LITAF: variants seen among roughly 807,000 people sequenced by gnomAD.
LITAF encodes lipopolysaccharide-induced tumor necrosis factor-alpha factor.
In LITAF, 9 loss-of-function variants were observed where a neutral mutation model predicts 14.5. The ratio of observed to expected loss-of-function variants is 0.62; its 90% CI spans 0.37 to 1.08. The LOEUF (loss-of-function observed/expected upper bound fraction) is 1.08, where lower values mean the gene tolerates loss of function less well. LITAF is among the 50% of genes least tolerant of loss of function. LITAF has a pLI of 0.01. For missense variants in LITAF, 206 were observed against 213.4 expected (o/e 0.97, Z 0.22); for synonymous variants, 98 against 88.2 (o/e 1.11, Z -0.62).
At chr16:11,582,779 A>G (rs770564231) in intron 1 of LITAF, among the ~76,000 whole-genome samples, 5 of 152,182 alleles carry the variant, frequency 3.3e-5, no homozygotes, top group African/African-American at 4.8e-5. Flanking sequence ...CTGGAGAAAA[A>G]CGTTATTTCC....
chr16:11,569,816 T>G (rs1180780073), intron 1 of LITAF, among the ~76,000 whole-genome samples: 1 of 152,144 alleles, frequency 6.6e-6, no homozygotes. Context: ...GTGGATCACT[T>G]GAGGTCAGAA....
Position 11,619,130 on chromosome 16 carries a change from G to T in LITAF, c.85+14403C>A, listed in dbSNP as rs141490646. 5.3e-5 allele frequency among the ~76,000 whole-genome samples: 8 copies of T among 152,016 alleles called. No individual in the cohort carries two copies. In the South Asian group the frequency reaches 1.0e-3, roughly 20 times the overall value. ...GTTCGAGACCAGCCTGGCCAACATGGCAAAACCCCTTCTCTACTAAAAATA... is the reference window on the plus strand; with the variant it reads ...GTTCGAGACCAGCCTGGCCAACATGTCAAAACCCCTTCTCTACTAAAAATA... On this transcript the variant is annotated intron_variant, in intron 3 of 3. Transcript: ENST00000574848.
chr16:11,639,547 T>TC (rs2065156144), upstream of LITAF, among the ~76,000 whole-genome samples: 4 of 152,158 alleles, frequency 2.6e-5, no homozygotes, highest in African/African-American at 9.6e-5. Context: ...ACATAGGTAT[T>TC]CCCCGTATAG....
intron 1 of LITAF, among the ~76,000 whole-genome samples, chr16:11,594,364 G>C (rs1458642849): frequency 6.6e-6 from 1 of 152,022 alleles, no homozygotes; most frequent in Non-Finnish European, 1.5e-5. Context: ...AGGCCAGGCA[G>C]GCTATGGTTT....
At chr16:11,588,843 C>A (rs2064831625), upstream of LITAF, among the ~76,000 whole-genome samples, 1 of 151,060 alleles carries the variant, frequency 6.6e-6, no homozygotes, top group East Asian at 1.9e-4. Context: ...TCCCTCCCTC[C>A]CAACCTTTTC....
intron 3 of LITAF, among the ~76,000 whole-genome samples, chr16:11,609,459 CCG>C (rs1567262502): frequency 1.3e-5 from 2 of 152,160 alleles, no homozygotes; most frequent in Non-Finnish European, 2.9e-5. Context: ...AGTGATCCAC[CCG>C]TCTCGGCCTC....
chr16:11,623,964 T>C (rs919012872), intron 3 of LITAF, among the ~76,000 whole-genome samples: 50 of 151,938 alleles, frequency 3.3e-4, no homozygotes, highest in African/African-American at 1.2e-3. Flanking sequence ...CAAAACTCCA[T>C]CTCAAAAAAA....
At chr16:11,608,698 C>G (rs567752148) in intron 3 of LITAF, among the ~76,000 whole-genome samples, 47 of 152,342 alleles carry the variant, frequency 3.1e-4, no homozygotes, top group African/African-American at 1.1e-3. Flanking sequence ...CGCAGTGGCT[C>G]ATGCCTATAA....
intron 1 of LITAF, among the ~76,000 whole-genome samples, chr16:11,595,667 T>C (rs1489989034): frequency 6.6e-6 from 1 of 152,154 alleles, no homozygotes; most frequent in East Asian, 1.9e-4. Context: ...AGGCGGAGCT[T>C]GCAGTGAGCT....
intron 1 of LITAF, among the ~76,000 whole-genome samples, chr16:11,576,324 C>A (rs1460027696): frequency 6.6e-6 from 1 of 151,926 alleles, no homozygotes; most frequent in East Asian, 1.9e-4. Context: ...CAAAAATTAG[C>A]TGGGCAAGGT....
intron 3 of LITAF, among the ~76,000 whole-genome samples, chr16:11,611,105 T>C (rs886639141): frequency 1.3e-5 from 2 of 152,040 alleles, no homozygotes; most frequent in Non-Finnish European, 2.9e-5. Context: ...TCTCAGCACT[T>C]TGGGAGGCTG....
At chr16:11,635,721 C>T (rs1416009196) in intron 2 of LITAF, 2 of 152,248 alleles carry the variant, frequency 1.3e-5, no homozygotes, top group African/African-American at 4.8e-5. Context: ...GCCAGTGTCC[C>T]CACAGGGACC....
chr16:11,585,603 C>T (rs2064794380), intron 1 of LITAF, among the ~76,000 whole-genome samples: 1 of 152,130 alleles, frequency 6.6e-6, no homozygotes, highest in Non-Finnish European at 1.5e-5. Flanking sequence ...CTGTAGGCAT[C>T]TGGGTTAGTC....
chr16:11,604,847 G>A (rs2064946741), intron 3 of LITAF, among the ~76,000 whole-genome samples: 1 of 151,518 alleles, frequency 6.6e-6, no homozygotes, highest in East Asian at 1.9e-4. Context: ...ACATTTCCAG[G>A]CCCCTGAAAC....
rs768810542 is a variant in LITAF, at chr16:11,586,419, T to C, written c.-6+467A>G. On this transcript the variant is annotated intron_variant, in intron 1 of 3. Transcript: ENST00000622633. This position sits in a 1 kb window ranked among gnomAD's most constrained non-coding sequence, Gnocchi z 6.5. ...AAGTCAAATGTTTGGCAAATAGCAT[T>C]TGGGAATTCGTTGGGGTTTTTTTGT... 2 of 152,036 alleles carry C rather than the reference T, an allele frequency of 1.3e-5. No individual in the cohort carries two copies. The highest frequency in any genetic ancestry group is 1.3e-4 in the Admixed American group (2 of 15,284). The allele number at this position is 152,036 out of a possible 1,614,324, so 9.4% of individuals were successfully genotyped here.
At chr16:11,574,464 C>T (rs1374505250) in intron 1 of LITAF, among the ~76,000 whole-genome samples, 1 of 152,156 alleles carries the variant, frequency 6.6e-6, no homozygotes, top group African/African-American at 2.4e-5. Context: ...AAACACTGGT[C>T]ACTTTTACAC....
At chr16:11,563,226 G>A (rs913401318) in intron 1 of LITAF, among the ~76,000 whole-genome samples, 2 of 152,010 alleles carry the variant, frequency 1.3e-5, no homozygotes, top group Non-Finnish European at 2.9e-5. Flanking sequence ...TTGGCTCATG[G>A]CAACCTCCGC....
chr16:11,583,609 C>A (rs1212677955), intron 1 of LITAF, among the ~76,000 whole-genome samples: 1 of 152,192 alleles, frequency 6.6e-6, no homozygotes, highest in Non-Finnish European at 1.5e-5. Flanking sequence ...ATCTTCCACA[C>A]TTTAATATTT....
At chr16:11,637,896 AAC>A (rs1491079326), upstream of LITAF, among the ~76,000 whole-genome samples, 58 of 82,150 alleles carry the variant, frequency 7.1e-4, 9 homozygotes, top group African/African-American at 4.5e-3. Context: ...AAAAAAAAAA[AAC>A]TATATATATA....
Sources: gnomAD v4.1 joint callset for allele counts (sites outside exome capture counted in the v4.1 genomes callset) on GRCh38, gnomAD v4.1.1 for gene constraint, Gnocchi (gnomAD v3.1) non-coding constraint, MANE v1.5 for transcripts, NCBI Gene and HGNC (gene_info 2026-07-23, HGNC 2026-07-21) for gene names.